The following LRRTM4 variants were observed in gnomAD, a reference collection of about 807,000 sequenced individuals.
LRRTM4 encodes leucine rich repeat transmembrane neuronal 4.
A neutral mutation model predicts 47.6 loss-of-function variants in LRRTM4; 25 were observed. The observed-to-expected ratio is 0.53, with a 90% CI of 0.38 to 0.73. LRRTM4 has a LOEUF of 0.73. Ranked by LOEUF, LRRTM4 falls within the 30% of genes least tolerant of loss-of-function variation. The pLI, the probability that LRRTM4 is intolerant of heterozygous loss-of-function variation, is 0.00. For missense variants in LRRTM4, 638 were observed against 713.4 expected (o/e 0.89, Z 1.20); for synonymous variants, 311 against 269.5 (o/e 1.15, Z -1.51).
intron 3 of LRRTM4, among the ~76,000 whole-genome samples, chr2:77,435,315 A>G (rs1189278404): frequency 6.6e-6 from 1 of 152,134 alleles, no homozygotes; most frequent in Non-Finnish European, 1.5e-5. Flanking sequence ...CAACTAATTA[A>G]AAGAATTGGA....
At chr2:77,355,702 A>G (rs1671941513) in intron 3 of LRRTM4, among the ~76,000 whole-genome samples, 1 of 152,222 alleles carries the variant, frequency 6.6e-6, no homozygotes, top group East Asian at 1.9e-4. Flanking sequence ...ATAGTCCATC[A>G]AGTGACACCT....
chr2:76,811,592 G>A (rs1670735674), intron 3 of LRRTM4, among the ~76,000 whole-genome samples: 1 of 152,114 alleles, frequency 6.6e-6, no homozygotes, highest in Non-Finnish European at 1.5e-5. Flanking sequence ...CCTTGTTTCT[G>A]CCATGTACAT....
chr2:77,394,597 C>T (rs781050485), intron 3 of LRRTM4, among the ~76,000 whole-genome samples: 2 of 151,944 alleles, frequency 1.3e-5, no homozygotes, highest in East Asian at 2.0e-4. Flanking sequence ...GGATTTATAC[C>T]GAACAGGTTG....
Position 77,084,596 on chromosome 2 carries a change from T to C in LRRTM4, c.1552-335680A>G, listed in dbSNP as rs138554203. ...CTACATCCCCTGCTGTACATCTACATGTAATGGTTAAGAGTATAGCTCTGT... is the reference window on the plus strand; with the variant it reads ...CTACATCCCCTGCTGTACATCTACACGTAATGGTTAAGAGTATAGCTCTGT... On this transcript the variant is annotated intron_variant, in intron 3 of 3. Transcript: ENST00000409884. Among the ~76,000 whole-genome samples the C allele has an allele frequency of 2.3e-3, 356 of 152,336 alleles. 5 individuals are homozygous for C. The highest frequency in any genetic ancestry group is 7.2e-3 in the African/African-American group (301 of 41,578).
chr2:76,913,135 T>A lies in LRRTM4; in HGVS notation c.1552-164219A>T, dbSNP rs185718030. 4.1e-4 allele frequency among the ~76,000 whole-genome samples: 63 copies of A among 152,340 alleles called. No homozygotes were observed. In the East Asian group the frequency reaches 0.011, roughly 27 times the overall value. On this transcript the variant is annotated intron_variant, in intron 3 of 3. Coordinates refer to ENST00000409884, the MANE Select transcript of LRRTM4 (RefSeq NM_001134745.3). The stretch of plus-strand genomic sequence containing the variant: ...ATTACTGCTATTCATATTGAATATA[T>A]CTTTACATCTGTCTTTCCTGCTTTG...
chr2:76,909,504 TA>T (rs1228021065), intron 3 of LRRTM4, among the ~76,000 whole-genome samples: 3 of 151,850 alleles, frequency 2.0e-5, no homozygotes, highest in African/African-American at 7.3e-5. Context: ...GGGATCTCAT[TA>T]AACTAAAGAG....
At chr2:77,473,678 A>T (rs774072047) in intron 3 of LRRTM4, among the ~76,000 whole-genome samples, 1 of 152,082 alleles carries the variant, frequency 6.6e-6, no homozygotes, top group East Asian at 1.9e-4. Flanking sequence ...TTCTTTGGGG[A>T]GTAAGAAGTG....
At chr2:77,011,038 A>T (rs1677851647) in intron 3 of LRRTM4, among the ~76,000 whole-genome samples, 1 of 152,156 alleles carries the variant, frequency 6.6e-6, no homozygotes, top group African/African-American at 2.4e-5. Flanking sequence ...TTTTGATCAG[A>T]CAGTCAGAAG....
intron 3 of LRRTM4, among the ~76,000 whole-genome samples, chr2:76,847,431 T>C (rs1402981794): frequency 6.6e-6 from 1 of 152,134 alleles, no homozygotes. Flanking sequence ...CCAATGACTT[T>C]CCTATTTGTC....
intron 3 of LRRTM4, among the ~76,000 whole-genome samples, chr2:77,302,739 GA>G (rs778030057): frequency 3.9e-5 from 6 of 152,126 alleles, no homozygotes; most frequent in Non-Finnish European, 8.8e-5. Flanking sequence ...GCTTTTGAGT[GA>G]AACATCCACA....
intron 3 of LRRTM4, among the ~76,000 whole-genome samples, chr2:77,359,616 C>A (rs907019163): frequency 1.4e-4 from 22 of 152,300 alleles, no homozygotes; most frequent in Admixed American, 7.8e-4. Flanking sequence ...TTCAGTCCTT[C>A]TGCAAACTAA....
At chr2:76,770,437 G>C (rs1048964197) in intron 3 of LRRTM4, among the ~76,000 whole-genome samples, 1 of 152,190 alleles carries the variant, frequency 6.6e-6, no homozygotes, top group African/African-American at 2.4e-5. Flanking sequence ...TTCTGGAGTA[G>C]TGTAATGTTC....
In LRRTM4 at chr2:76,886,021, T is replaced by C. The variant is rs1376922531; in HGVS notation, c.1552-137105A>G. Among the ~76,000 whole-genome samples the C allele has an allele frequency of 4.6e-5, 7 of 152,184 alleles. No homozygotes were observed. The East Asian group carries it at 1.3e-3, about 29-fold the overall frequency. ...TACACTATAAGAAATATAACTCATT[T>C]CTAAAATTTAAAGAATTGCTCAACA... On this transcript the variant is annotated intron_variant, in intron 3 of 3. Coordinates refer to ENST00000409884, the MANE Select transcript of LRRTM4 (RefSeq NM_001134745.3).
At chr2:77,304,749 A>G (rs1363274657) in intron 3 of LRRTM4, among the ~76,000 whole-genome samples, 1 of 152,026 alleles carries the variant, frequency 6.6e-6, no homozygotes, top group Non-Finnish European at 1.5e-5. Context: ...ACATTATCTC[A>G]TTTACTCTTA....
chr2:77,091,372 A>C (rs148387501), intron 3 of LRRTM4, among the ~76,000 whole-genome samples: 39,691 of 117,076 alleles, frequency 0.34, 7,826 homozygotes, highest in East Asian at 0.61. Context: ...TCCCATCCCG[A>C]AGCACACTTT....
chr2:77,061,209 A>G (rs1679774825), intron 3 of LRRTM4, among the ~76,000 whole-genome samples: 1 of 152,108 alleles, frequency 6.6e-6, no homozygotes, highest in Middle Eastern at 3.2e-3. Context: ...AGATAATTGA[A>G]TATCCTTTAG....
chr2:76,835,530 G>A (rs1315897693), intron 3 of LRRTM4, among the ~76,000 whole-genome samples: 1 of 152,002 alleles, frequency 6.6e-6, no homozygotes, highest in Non-Finnish European at 1.5e-5. Flanking sequence ...TTATTTTAGA[G>A]TTGTAATAAT....
At position 77,056,621 on chromosome 2, in the gene LRRTM4, A is replaced by G. The variant is rs562392015; in HGVS notation, c.1552-307705T>C. Among the ~76,000 whole-genome samples, 6 of 152,340 alleles carry G rather than the reference A, an allele frequency of 3.9e-5. No individual in the cohort carries two copies. In the South Asian group the frequency reaches 1.2e-3, roughly 32 times the overall value. The stretch of plus-strand genomic sequence containing the variant: ...ACACATAAAGTAATAGTACAGTAAA[A>G]GATGTGAAACTCATTCCCTGAATAA... On this transcript the variant is annotated intron_variant, in intron 3 of 3. Coordinates refer to ENST00000409884, the MANE Select transcript of LRRTM4 (RefSeq NM_001134745.3).
intron 3 of LRRTM4, among the ~76,000 whole-genome samples, chr2:77,131,372 C>G (rs1277245844): frequency 1.3e-5 from 2 of 152,140 alleles, no homozygotes; most frequent in Non-Finnish European, 2.9e-5. Flanking sequence ...AATTCCAAGT[C>G]TTTTAAGCAC....
Sources: gnomAD v4.1 joint callset for allele counts (sites outside exome capture counted in the v4.1 genomes callset) on GRCh38, gnomAD v4.1.1 for gene constraint, MANE v1.5 for transcripts, NCBI Gene and HGNC (gene_info 2026-07-23, HGNC 2026-07-21) for gene names.